Variants in COA1 observed in about 807,000 individuals in gnomAD.
The protein encoded by COA1 is cytochrome c oxidase assembly factor 1 homolog.
In COA1, 13 loss-of-function variants were observed where a neutral mutation model predicts 16.0. The ratio of observed to expected loss-of-function variants is 0.81; its 90% CI spans 0.53 to 1.29. COA1 has a LOEUF of 1.29. COA1 is among the 50% of genes most tolerant of loss of function. COA1 has a pLI of 0.00. For missense variants in COA1, 179 were observed against 177.0 expected, an observed-to-expected ratio of 1.01 and a Z score of -0.06; for synonymous variants, 65 against 65.7, an observed-to-expected ratio of 0.99 and a Z score of 0.05.
chr7:43,692,499 C>T (rs1323449015), intron 1 of COA1, among the ~76,000 whole-genome samples: 1 of 151,868 alleles, frequency 6.6e-6, no homozygotes, highest in African/African-American at 2.4e-5. Flanking sequence ...GCCTAGGCAA[C>T]ACAGCAAGAC....
At chr7:43,723,918 C>A (rs1207944975) in intron 1 of COA1, among the ~76,000 whole-genome samples, 1 of 152,084 alleles carries the variant, frequency 6.6e-6, no homozygotes, top group Non-Finnish European at 1.5e-5. Flanking sequence ...CAAAGTGAGA[C>A]CCTGTCTCAA....
chr7:43,717,689 G>A (rs1452443951), intron 1 of COA1, among the ~76,000 whole-genome samples: 1 of 152,118 alleles, frequency 6.6e-6, no homozygotes, highest in Non-Finnish European at 1.5e-5. Flanking sequence ...GATTTGGCAG[G>A]GGCCGGGGGG....
intron 3 of COA1, chr7:43,646,353 T>A: frequency 2.9e-6 from 1 of 345,468 alleles, no homozygotes; most frequent in Non-Finnish European, 5.9e-6. Context: ...TTCTCAATAT[T>A]CCACACATCT....
In COA1 at chr7:43,729,518, G is replaced by C. The variant is rs1340385902; in HGVS notation, c.-128C>G. 1 of 152,306 alleles carries C rather than the reference G, an allele frequency of 6.6e-6. No individual in the cohort carries two copies. The highest frequency in any genetic ancestry group is 6.5e-5 in the Admixed American group (1 of 15,290). 9.4% of individuals were successfully genotyped at this position (152,306 alleles called of 1,614,324 possible). ...CGGGTAAATGCCCGCGGTCCTGCGC[G>C]CCAGCGGGGAGCAGTAGAGACTTCC... On this transcript the variant is annotated 5_prime_UTR_variant, in exon 1 of 6. Transcript: ENST00000223336.
chr7:43,667,221 C>A (rs1302008985), intron 1 of COA1, among the ~76,000 whole-genome samples: 5 of 152,208 alleles, frequency 3.3e-5, no homozygotes, highest in Admixed American at 3.3e-4. Flanking sequence ...AAACCTCTAA[C>A]ATTTAACAGG....
At chr7:43,680,067 G>A (rs899892630) in intron 1 of COA1, among the ~76,000 whole-genome samples, 2 of 152,116 alleles carry the variant, frequency 1.3e-5, no homozygotes, top group African/African-American at 4.8e-5. Flanking sequence ...GAGATATGCT[G>A]GAAGTAGTTT....
intron 6 of COA1, among the ~76,000 whole-genome samples, chr7:43,621,350 T>TTTAATGGGTACCA (rs2083864910): frequency 6.6e-6 from 1 of 152,222 alleles, no homozygotes; most frequent in Non-Finnish European, 1.5e-5. Flanking sequence ...AACCCAAGTG[T>TTTAATGGGTACCA]TTTAGCCAAA....
intron 1 of COA1, among the ~76,000 whole-genome samples, chr7:43,700,068 A>G (rs529238667): frequency 2.8e-4 from 42 of 152,278 alleles, no homozygotes; most frequent in Non-Finnish European, 5.9e-4. Flanking sequence ...ACGGCAAAAA[A>G]ACAAAAATCA....
rs1271735292 is a variant in COA1 at position 43,691,419 on chromosome 7, G to GGAAGA, written c.-39+38009_-39+38010insTCTTC. 3.6e-5 allele frequency among the ~76,000 whole-genome samples: 3 copies of GGAAGA among 82,222 alleles called. 1 individual carries two copies. The highest frequency in any genetic ancestry group is 1.4e-4 in the African/African-American group (3 of 21,094). 53.9% of individuals were successfully genotyped at this position (82,222 alleles called of 152,430 possible). On this transcript the variant is annotated intron_variant, in intron 1 of 5. Coordinates refer to ENST00000223336, the MANE Select transcript of COA1 (RefSeq NM_018224.4). ...AGGAAGGAAGGAAGGAAGGAAGAAAGAAAAAGAAAGAAAGAAAGAAAGAAA... is the reference window on the plus strand; with the variant it reads ...AGGAAGGAAGGAAGGAAGGAAGAAAGGAAGAAAAAAGAAAGAAAGAAAGAAAGAAA...
chr7:43,650,110 A>G (rs1471910274), intron 1 of COA1: 2 of 152,350 alleles, frequency 1.3e-5, no homozygotes, highest in African/African-American at 4.8e-5. Context: ...GTGAGAGCAT[A>G]GTGGGTGATT....
chr7:43,685,249 C>T (rs143819888), intron 1 of COA1, among the ~76,000 whole-genome samples: 11 of 151,882 alleles, frequency 7.2e-5, no homozygotes, highest in African/African-American at 2.7e-4. Context: ...AATTCCATCA[C>T]AAAAATCATT....
At chr7:43,625,397 G>T (rs1271347871) in intron 6 of COA1, 1 of 152,136 alleles carries the variant, frequency 6.6e-6, no homozygotes, top group African/African-American at 2.4e-5. Flanking sequence ...ATAGTGACTT[G>T]ATTTGGTTTC....
intron 6 of COA1, chr7:43,626,900 GC>G (rs2084612157): frequency 6.6e-6 from 1 of 152,112 alleles, no homozygotes; most frequent in Non-Finnish European, 1.5e-5. Context: ...TTTTTAAGAG[GC>G]CCTTCAGAAT....
intron 6 of COA1, among the ~76,000 whole-genome samples, chr7:43,613,789 G>A (rs1782544781): frequency 6.6e-6 from 1 of 152,100 alleles, no homozygotes; most frequent in African/African-American, 2.4e-5. Context: ...GGCTGCAGTG[G>A]GCTATGATTG....
chr7:43,642,682 A>G (rs13231322), intron 4 of COA1, among the ~76,000 whole-genome samples: 22,342 of 152,202 alleles, frequency 0.15, 2,187 homozygotes, highest in Non-Finnish European at 0.21. Context: ...CTGTGCTTCC[A>G]TGGGTAGATG....
At chr7:43,650,364 G>A (rs978361883) in intron 1 of COA1, 3 of 152,022 alleles carry the variant, frequency 2.0e-5, no homozygotes, top group African/African-American at 7.3e-5. Flanking sequence ...ATTCCAAAAA[G>A]GATGATGGAG....
At chr7:43,645,522 G>T in intron 3 of COA1, 123 bp from the exon 4 acceptor site, 1 of 848,406 alleles carries the variant, frequency 1.2e-6, no homozygotes. Context: ...TCTGTGGATG[G>T]ACGAATAATT....
At chr7:43,651,622 C>T (rs577508977) in intron 1 of COA1, among the ~76,000 whole-genome samples, 2 of 144,766 alleles carry the variant, frequency 1.4e-5, no homozygotes, top group East Asian at 2.0e-4. Flanking sequence ...TCCCACAAGG[C>T]AAGGGTGGAA....
chr7:43,712,878 TA>T (rs1468520270), intron 1 of COA1, among the ~76,000 whole-genome samples: 3 of 152,204 alleles, frequency 2.0e-5, no homozygotes, highest in Admixed American at 2.0e-4. Flanking sequence ...CTTTTTTTTT[TA>T]TTGACACATT....
Sources: gnomAD v4.1 joint callset for allele counts (sites outside exome capture counted in the v4.1 genomes callset) on GRCh38, gnomAD v4.1.1 for gene constraint, MANE v1.5 for transcripts, NCBI Gene and HGNC (gene_info 2026-07-23, HGNC 2026-07-21) for gene names.